The following SYNE3 variants were observed in gnomAD, a reference collection of about 807,000 sequenced individuals.
SYNE3 encodes the protein spectrin repeat containing nuclear envelope family member 3.
In SYNE3, 100 loss-of-function variants were observed where a neutral mutation model predicts 111.2. The observed-to-expected ratio is 0.90, with a 90% CI of 0.77 to 1.06. SYNE3 has a LOEUF of 1.06. Ranked by LOEUF, SYNE3 falls within the 50% of genes least tolerant of loss-of-function variation. The pLI, the probability that SYNE3 is intolerant of heterozygous loss-of-function variation, is 0.00. For missense variants in SYNE3, 1,160 were observed against 1,240.3 expected, an observed-to-expected ratio of 0.94 and a Z score of 0.97; for synonymous variants, 547 against 533.9, an observed-to-expected ratio of 1.02 and a Z score of -0.34.
chr14:95,439,285 A>T, intron 13 of SYNE3, 123 bp from the exon 14 acceptor site: 1 of 1,433,480 alleles, frequency 7.0e-7, no homozygotes, highest in Non-Finnish European at 9.6e-7. Flanking sequence ...GAAGTTTGTG[A>T]GAATGTTCCT....
In SYNE3 at chr14:95,417,722, T is replaced by C. The variant is rs1352967737; in HGVS notation, c.*104A>G. The C allele has an allele frequency of 1.6e-6, 2 of 1,230,842 alleles. No individual in the cohort carries two copies. Among genetic ancestry groups the C allele is most frequent in the Non-Finnish European group, 2.4e-6 (2 of 834,898 alleles). 76.2% of individuals were successfully genotyped at this position (1,230,842 alleles called of 1,614,324 possible). A position where few individuals can be genotyped will look rare whatever the true frequency, so the allele number is the denominator to read the frequency against. ...CACTGATATGGATGCAGCTCTGCAGTCTTTGCCCTGCCCCTGTTTCCAGTT... is the reference window on the plus strand; with the variant it reads ...CACTGATATGGATGCAGCTCTGCAGCCTTTGCCCTGCCCCTGTTTCCAGTT... On this transcript the variant is annotated 3_prime_UTR_variant, in exon 18 of 18. Transcript: ENST00000682763.
chr14:95,429,534 G>C (rs992977349), intron 17 of SYNE3, among the ~76,000 whole-genome samples: 1 of 152,172 alleles, frequency 6.6e-6, no homozygotes, highest in Non-Finnish European at 1.5e-5. Context: ...GTTTTATCAA[G>C]CTGTCCTATA....
intron 17 of SYNE3, among the ~76,000 whole-genome samples, chr14:95,428,304 C>T (rs530267906): frequency 5.3e-5 from 8 of 152,218 alleles, no homozygotes; most frequent in Admixed American, 2.0e-4. Flanking sequence ...GAACACAACC[C>T]GCAAGCAGAC....
intron 4 of SYNE3, among the ~76,000 whole-genome samples, chr14:95,459,685 A>G (rs539096822): frequency 8.3e-4 from 126 of 152,276 alleles, no homozygotes; most frequent in Middle Eastern, 3.4e-3. Flanking sequence ...TCCTCACCGA[A>G]TCTAGAAATA....
At chr14:95,493,780 A>G (rs535944611) in intron 1 of SYNE3, among the ~76,000 whole-genome samples, 1 of 152,354 alleles carries the variant, frequency 6.6e-6, no homozygotes, top group East Asian at 1.9e-4. Flanking sequence ...CTTGAGCGCC[A>G]GGGTTCTCAA....
In SYNE3 at chr14:95,446,051, G is replaced by A. The variant is rs61749972; in HGVS notation, c.1490C>T (p.Thr497Met). 0.086 allele frequency: 138,216 copies of A among 1,614,014 alleles called. 6,503 individuals are homozygous for A. Among genetic ancestry groups the A allele is most frequent in the Middle Eastern group, 0.14 (847 of 6,060 alleles). ...MESSRLKELL[T>M]MLQLKKDLLI... ...GAGGTCTTTCTTCAGCTGCAGCATCGTCAGCAGCTCTTTCAGGCGGGAGCT... is the reference window on the plus strand; with the variant it reads ...GAGGTCTTTCTTCAGCTGCAGCATCATCAGCAGCTCTTTCAGGCGGGAGCT... The change falls in exon 9 of 18, where the codon ACG (threonine) becomes ATG (methionine). Residue 497 changes from threonine (T) to methionine (M), a missense_variant. Transcript: ENST00000682763.
intron 17 of SYNE3, among the ~76,000 whole-genome samples, chr14:95,418,488 C>A (rs1884880137): frequency 6.6e-6 from 1 of 152,182 alleles, no homozygotes; most frequent in African/African-American, 2.4e-5. Flanking sequence ...TAATATTTCA[C>A]CATCTAAATC....
At chr14:95,466,605 C>T (rs894299422) in intron 3 of SYNE3, among the ~76,000 whole-genome samples, 1 of 152,176 alleles carries the variant, frequency 6.6e-6, no homozygotes, top group Admixed American at 6.5e-5. Context: ...TGCACAGACA[C>T]CCCCAGTCAT....
At chr14:95,430,651 CCGT>C (rs1885705887) in intron 17 of SYNE3, among the ~76,000 whole-genome samples, 1 of 152,072 alleles carries the variant, frequency 6.6e-6, no homozygotes, top group South Asian at 2.1e-4. Flanking sequence ...TGGTGAAACC[CCGT>C]CTCTACTGAA....
intron 17 of SYNE3, among the ~76,000 whole-genome samples, chr14:95,423,510 T>A: frequency 9.9e-6 from 1 of 100,694 alleles, no homozygotes; most frequent in Non-Finnish European, 2.0e-5. Context: ...GCATAGGGAT[T>A]TGATGGGGAT....
intron 1 of SYNE3, among the ~76,000 whole-genome samples, chr14:95,505,555 C>T (rs1432786180): frequency 6.6e-6 from 1 of 152,186 alleles, no homozygotes; most frequent in African/African-American, 2.4e-5. Context: ...ATGATTTTGA[C>T]TATATCTGCC....
At position 95,433,296 on chromosome 14, in the gene SYNE3, C is replaced by T; in HGVS notation, c.2652G>A (p.Leu884=). The change falls in exon 16 of 18, where the codon CTG becomes CTA. Residue 884 remains leucine, a synonymous_variant. Coordinates refer to ENST00000682763, the MANE Select transcript of SYNE3 (RefSeq NM_152592.6). ...CAGAGTCCTTCAGCTTGGACTTGTA[C>T]AGCATCCACTGGTAGCGCAGATCTT... ...ELEDLRYQWM[L]YKSKLKDSGH... is the part of the protein sequence containing the mutation. 2 of 1,614,122 alleles carry T rather than the reference C, an allele frequency of 1.2e-6. No individual in the cohort carries two copies. The highest frequency in any genetic ancestry group is 8.5e-7 in the Non-Finnish European group (1 of 1,180,008).
intron 1 of SYNE3, among the ~76,000 whole-genome samples, chr14:95,492,483 C>T (rs115803875): frequency 1.2e-3 from 189 of 152,284 alleles, no homozygotes; most frequent in African/African-American, 4.4e-3. Flanking sequence ...ACCTTGGAAA[C>T]GTTGTGCTAA....
Position 95,455,545 on chromosome 14 carries a change from C to T in SYNE3, c.969G>A (p.Leu323=). The change falls in exon 6 of 18, where the codon CTG becomes CTA. Residue 323 remains leucine, a synonymous_variant. Transcript: ENST00000682763. ...CTCCCCTGGACCGGAGCAGGCCCCG[C>T]AGCCGCTCCTCCTCCTCCTCCCAGA... ...RALWEEEEER[L]RGLLRSRGAW... is the part of the protein sequence containing the mutation. 6.2e-7 allele frequency: 1 copy of T among 1,614,012 alleles called. No homozygotes were observed. The highest frequency in any genetic ancestry group is 8.5e-7 in the Non-Finnish European group (1 of 1,179,986).
At position 95,488,101 on chromosome 14, in the gene SYNE3, T is replaced by G. The variant is rs1334106867; in HGVS notation, c.-14-12266A>C. ...AATATAGTATGTAATATATACAACA[T>G]ACAAAGTATGTATTAATCAACTTTA... is the stretch of plus-strand genomic sequence containing the variant. On this transcript the variant is annotated intron_variant, in intron 1 of 17. Coordinates refer to ENST00000682763, the MANE Select transcript of SYNE3 (RefSeq NM_152592.6). Among the ~76,000 whole-genome samples, 4 of 152,236 alleles carry G rather than the reference T, an allele frequency of 2.6e-5. No individual in the cohort carries two copies. In the East Asian group the frequency reaches 7.7e-4, roughly 29 times the overall value.
intron 1 of SYNE3, among the ~76,000 whole-genome samples, chr14:95,506,568 C>T (rs965796537): frequency 2.0e-5 from 3 of 152,228 alleles, no homozygotes; most frequent in Non-Finnish European, 4.4e-5. Context: ...ACTCACTGCA[C>T]GTGCTGGGGA....
At chr14:95,494,708 C>G (rs1478391689) in intron 1 of SYNE3, among the ~76,000 whole-genome samples, 1 of 152,162 alleles carries the variant, frequency 6.6e-6, no homozygotes, top group African/African-American at 2.4e-5. Flanking sequence ...CCACACTGGA[C>G]CAAGCAGGGC....
chr14:95,443,093 G>C, intron 11 of SYNE3, 62 bp downstream of exon 11: 1 of 1,597,182 alleles, frequency 6.3e-7, no homozygotes, highest in Non-Finnish European at 8.5e-7. Context: ...AAGGCCCCAG[G>C]CGTGTTGGAT....
chr14:95,496,736 A>G (rs918648573), intron 1 of SYNE3, among the ~76,000 whole-genome samples: 33 of 152,366 alleles, frequency 2.2e-4, no homozygotes, highest in African/African-American at 7.9e-4. Context: ...GAAGGTCACA[A>G]ACTTTCTTGA....
Sources: allele counts gnomAD v4.1 joint callset (sites outside exome capture counted in the v4.1 genomes callset), GRCh38; gene constraint gnomAD v4.1.1; transcripts MANE v1.5; gene names NCBI Gene and HGNC (gene_info 2026-07-23, HGNC 2026-07-21).